PTPRG: variants seen among roughly 807,000 people sequenced by gnomAD.
The protein encoded by PTPRG is receptor-type tyrosine-protein phosphatase gamma.
PTPRG carries 102 observed loss-of-function variants against 165.3 expected under a neutral mutation model. The observed-to-expected ratio is 0.62, with a 90% confidence interval of 0.53 to 0.73. The LOEUF (loss-of-function observed/expected upper bound fraction) is 0.73. Ranked by LOEUF, PTPRG falls within the 30% of genes least tolerant of loss-of-function variation. The pLI is 0.00. For missense variants in PTPRG, 1,866 were observed against 1,861.4 expected, an observed-to-expected ratio of 1.00 and a Z score of -0.05; for synonymous variants, 675 against 669.5, an observed-to-expected ratio of 1.01 and a Z score of -0.13.
intron 5 of PTPRG, among the ~76,000 whole-genome samples, chr3:62,102,419 C>T (rs543830297): frequency 4.6e-5 from 7 of 152,200 alleles, no homozygotes; most frequent in Non-Finnish European, 7.4e-5. Context: ...GGGACAGGTG[C>T]ACGCCTCCAC....
At chr3:61,565,610 AT>A (rs913437378) in intron 1 of PTPRG, among the ~76,000 whole-genome samples, 24 of 149,046 alleles carry the variant, frequency 1.6e-4, no homozygotes, top group African/African-American at 3.2e-4. Context: ...AGCTCAGCAG[AT>A]TTTTTTTTTA....
At chr3:62,246,592 A>C (rs188785683) in intron 15 of PTPRG, among the ~76,000 whole-genome samples, 2 of 152,204 alleles carry the variant, frequency 1.3e-5, no homozygotes, top group African/African-American at 4.8e-5. Flanking sequence ...AAAGAAAAAC[A>C]CAATTCAATT....
At chr3:61,671,455 G>C (rs1286553894) in intron 1 of PTPRG, among the ~76,000 whole-genome samples, 2 of 151,186 alleles carry the variant, frequency 1.3e-5, no homozygotes, top group African/African-American at 2.4e-5. Flanking sequence ...CAGGGTTGGG[G>C]GTAAGGTCAC....
Position 62,078,257 on chromosome 3 carries a change from A to G in PTPRG, c.614A>G (p.Gln205Arg). ...RIIGAMAIFF[Q>R]VSPRDNSALD... Reference sequence around the variant, plus strand: ...ATCGGAGCCATGGCCATATTTTTTCAAGTAAGTTAACAGTGGCTGAAGTAC... The same window carrying G: ...ATCGGAGCCATGGCCATATTTTTTCGAGTAAGTTAACAGTGGCTGAAGTAC... The change falls in exon 5 of 30, where the codon CAA becomes CGA. Residue 205 changes from glutamine (Q) to arginine (R), a missense_variant and splice_region_variant. This residue lies in a region of PTPRG where 408 missense variants were observed against 376.2 expected (regional missense o/e 1.08). Transcript: ENST00000474889. The G allele has an allele frequency of 1.9e-6, 3 of 1,584,498 alleles. No homozygotes were observed.
chr3:61,806,675 A>G (rs1476392058), intron 2 of PTPRG, among the ~76,000 whole-genome samples: 4 of 152,168 alleles, frequency 2.6e-5, no homozygotes, highest in Non-Finnish European at 4.4e-5. Flanking sequence ...AAATGAAAGG[A>G]GATGACAGAA....
In PTPRG at chr3:62,272,966, G is replaced by A. The variant is rs1240065134; in HGVS notation, c.3203G>A (p.Gly1068Asp). Residue 1068 changes from glycine to aspartate, a missense_variant, in exon 22 of 30, where the codon GGC (glycine) becomes GAC (aspartate). Transcript: ENST00000474889. ...VHCSAGVGRT[G>D]TYIVIDSMLQ... is the part of the protein sequence containing the mutation. ...TACAGTGCTGGTGTGGGCAGAACAG[G>A]CACCTATATTGTAATAGACAGCATG... is the stretch of plus-strand genomic sequence containing the variant. The A allele has an allele frequency of 6.2e-7, 1 of 1,612,476 alleles. No homozygotes were observed. The highest frequency in any genetic ancestry group is 1.7e-5 in the Admixed American group (1 of 59,760).
intron 2 of PTPRG, among the ~76,000 whole-genome samples, chr3:61,823,379 CG>C (rs1184758590): frequency 6.6e-6 from 1 of 152,064 alleles, no homozygotes; most frequent in Non-Finnish European, 1.5e-5. Flanking sequence ...TTAGTAGAGA[CG>C]GGTTTCACCA....
At chr3:61,871,212 TATGTTATGTTATGTTATGTTA>T (rs1559660307) in intron 2 of PTPRG, among the ~76,000 whole-genome samples, 1 of 146,298 alleles carries the variant, frequency 6.8e-6, no homozygotes, top group Non-Finnish European at 1.5e-5. Context: ...TATGTTATGT[TATGTTATGTTATGTTATGTTA>T]ATGTTATATT....
intron 2 of PTPRG, among the ~76,000 whole-genome samples, chr3:61,984,668 A>G (rs1371907097): frequency 1.3e-5 from 2 of 152,218 alleles, no homozygotes; most frequent in African/African-American, 4.8e-5. Flanking sequence ...TAGGAACCCA[A>G]CATGGGTGTG....
intron 4 of PTPRG, among the ~76,000 whole-genome samples, chr3:62,048,594 T>A (rs1700370376): frequency 6.6e-6 from 1 of 152,224 alleles, no homozygotes. Context: ...ACTTATCTCT[T>A]CTTACTACCT....
At chr3:61,714,583 G>GT (rs937061483) in intron 1 of PTPRG, among the ~76,000 whole-genome samples, 2 of 152,212 alleles carry the variant, frequency 1.3e-5, no homozygotes, top group African/African-American at 4.8e-5. Context: ...GAGGGAAGGA[G>GT]TTAGGGGCTG....
chr3:61,871,133 G>GTTATGTTATGTTA lies in PTPRG; in HGVS notation c.191-118491_191-118490insTATGTTATGTTAT, dbSNP rs1559660066. ...CTGTTATGTTATGTTATGTTATGTT[G>GTTATGTTATGTTA]TGTTGTGTTGTGTTGTGTTGTGTTG... On this transcript the variant is annotated intron_variant, in intron 2 of 29. Transcript: ENST00000474889. Among the ~76,000 whole-genome samples the GTTATGTTATGTTA allele has an allele frequency of 9.5e-4, 110 of 115,582 alleles. 1 individual carries two copies. Among genetic ancestry groups the GTTATGTTATGTTA allele is most frequent in the Middle Eastern group, 8.7e-3 (2 of 230 alleles). The allele number at this position is 115,582 out of a possible 152,430, so 75.8% of individuals were successfully genotyped here.
chr3:61,705,411 AG>A (rs2106723202), intron 1 of PTPRG, among the ~76,000 whole-genome samples: 1 of 152,176 alleles, frequency 6.6e-6, no homozygotes, highest in East Asian at 1.9e-4. Context: ...CTATTTTGTC[AG>A]GGGTTTCAGG....
intron 2 of PTPRG, among the ~76,000 whole-genome samples, chr3:61,861,155 T>C (rs141142291): frequency 2.0e-5 from 3 of 152,324 alleles, no homozygotes; most frequent in African/African-American, 7.2e-5. Flanking sequence ...TTATTGCCAA[T>C]TTTTAAAAAT....
At chr3:61,980,008 A>G (rs894351794) in intron 2 of PTPRG, among the ~76,000 whole-genome samples, 1 of 151,896 alleles carries the variant, frequency 6.6e-6, no homozygotes, top group Non-Finnish European at 1.5e-5. Context: ...CCAAACTCCC[A>G]AATTCTGTCT....
At chr3:61,904,861 G>T (rs2038600793) in intron 2 of PTPRG, among the ~76,000 whole-genome samples, 1 of 151,380 alleles carries the variant, frequency 6.6e-6, no homozygotes, top group South Asian at 2.1e-4. Flanking sequence ...AAAGAAAATT[G>T]TTAAATATTA....
At chr3:62,265,289 T>C (rs1576194993) in intron 17 of PTPRG, among the ~76,000 whole-genome samples, 1 of 152,236 alleles carries the variant, frequency 6.6e-6, no homozygotes, top group African/African-American at 2.4e-5. Flanking sequence ...TTTTCAAGAT[T>C]GTTTTGGCTA....
intron 1 of PTPRG, among the ~76,000 whole-genome samples, chr3:61,575,078 A>G (rs149759629): frequency 5.3e-4 from 81 of 152,350 alleles, no homozygotes; most frequent in African/African-American, 1.9e-3. Flanking sequence ...AAACCATAGC[A>G]GCGCATAACT....
At chr3:62,253,985 G>A (rs1002960999) in intron 15 of PTPRG, among the ~76,000 whole-genome samples, 2 of 152,212 alleles carry the variant, frequency 1.3e-5, no homozygotes, top group African/African-American at 2.4e-5. Context: ...ATTCAAGTTT[G>A]AAAATGTCAA....
Sources: gnomAD v4.1 joint callset for allele counts (sites outside exome capture counted in the v4.1 genomes callset) on GRCh38, gnomAD v4.1.1 for gene constraint, gnomAD v4.1.1 regional missense constraint, MANE v1.5 for transcripts, NCBI Gene and HGNC (gene_info 2026-07-23, HGNC 2026-07-21) for gene names.